FRMPD4: variants seen among roughly 807,000 people sequenced by gnomAD.
FRMPD4 encodes the protein FERM and PDZ domain-containing protein 4.
FRMPD4 carries 22 observed loss-of-function variants against 94.1 expected under a neutral mutation model. The ratio of observed to expected loss-of-function variants is 0.23; its 90% CI spans 0.17 to 0.33. The LOEUF is 0.33. Ranked by LOEUF, FRMPD4 falls within the 10% of genes least tolerant of loss-of-function variation. FRMPD4 has a pLI of 1.00. For synonymous variants in FRMPD4, 631 were observed against 548.6 expected (o/e 1.15, Z -2.10); for missense variants, 1,111 against 1,339.9 (o/e 0.83, Z 2.67).
intron 3 of FRMPD4, among the ~76,000 whole-genome samples, chrX:11,878,948 A>C (rs915274849): frequency 8.9e-6 from 1 of 112,360 alleles, no homozygotes; most frequent in African/African-American, 3.2e-5. Context: ...GATTGATAAA[A>C]GTCATTGCCC....
At chrX:12,469,854 C>A (rs2057489988) in intron 1 of FRMPD4, among the ~76,000 whole-genome samples, 1 of 112,444 alleles carries the variant, frequency 8.9e-6, no homozygotes, top group African/African-American at 3.2e-5. Flanking sequence ...GTAAAAACAT[C>A]CAAAGGTGTC....
intron 1 of FRMPD4, among the ~76,000 whole-genome samples, chrX:12,370,432 C>T (rs770930994): frequency 8.4e-4 from 95 of 112,618 alleles, no homozygotes; most frequent in African/African-American, 2.8e-3. Context: ...AGGAGGCTCA[C>T]GTCATTACTG....
intron 1 of FRMPD4, among the ~76,000 whole-genome samples, chrX:12,195,884 A>G (rs767246871): frequency 8.9e-6 from 1 of 111,809 alleles, no homozygotes; most frequent in Non-Finnish European, 1.9e-5. Context: ...GGCAGAAGTC[A>G]TAGGCCATTC....
At chrX:12,287,644 T>C (rs1601781342) in intron 1 of FRMPD4, among the ~76,000 whole-genome samples, 1 of 111,699 alleles carries the variant, frequency 9.0e-6, no homozygotes, top group African/African-American at 3.3e-5. Context: ...AGAACAAGTG[T>C]TGAGTTGAGA....
At chrX:12,700,437 G>A (rs2060177365) in intron 9 of FRMPD4, among the ~76,000 whole-genome samples, 1 of 112,377 alleles carries the variant, frequency 8.9e-6, no homozygotes, top group African/African-American at 3.2e-5. Flanking sequence ...GCAGCACTTA[G>A]CTCACTGCCT....
chrX:11,864,459 C>T (rs1433114800), intron 1 of FRMPD4, among the ~76,000 whole-genome samples: 4 of 110,629 alleles, frequency 3.6e-5, no homozygotes, highest in Non-Finnish European at 7.6e-5. Context: ...AAGAAAATAA[C>T]CAGTGCTTTT....
intron 6 of FRMPD4, among the ~76,000 whole-genome samples, chrX:12,683,794 G>A (rs1602318906): frequency 8.9e-6 from 1 of 112,183 alleles, no homozygotes; most frequent in Admixed American, 9.4e-5. Context: ...CAGAATATGT[G>A]GTAGTCCAGG....
intron 1 of FRMPD4, among the ~76,000 whole-genome samples, chrX:12,315,884 G>T (rs1168103517): frequency 9.0e-6 from 1 of 111,564 alleles, no homozygotes; most frequent in East Asian, 2.8e-4. Context: ...TCAACAGGGG[G>T]TAGGGGTTAT....
At chrX:12,577,702 C>A (rs957542740) in intron 2 of FRMPD4, among the ~76,000 whole-genome samples, 2 of 111,434 alleles carry the variant, frequency 1.8e-5, no homozygotes, top group Non-Finnish European at 3.8e-5. Flanking sequence ...GCTGGGGAAC[C>A]AAAAGAAATG....
rs1166969687 is a variant in FRMPD4, at chrX:11,910,814, A to G, written c.95+32796A>G. Among the ~76,000 whole-genome samples, 4 of 112,066 alleles carry G rather than the reference A, an allele frequency of 3.6e-5. No homozygotes were observed. In the Admixed American group the frequency reaches 3.8e-4, roughly 11 times the overall value. On this transcript the variant is annotated intron_variant, in intron 3 of 18. Coordinates refer to the FRMPD4 transcript ENST00000640291. ...CACAGAGATATACCTGGTAGAACAT[A>G]TACATATGTCTTTTGTAAATTAATA...
intron 3 of FRMPD4, among the ~76,000 whole-genome samples, chrX:12,092,402 C>A (rs2055161029): frequency 8.9e-6 from 1 of 112,134 alleles, no homozygotes; most frequent in African/African-American, 3.2e-5. Flanking sequence ...CAATGGTCAA[C>A]CCCATGCCTT....
At position 12,689,478 on chromosome X, in the gene FRMPD4, A is replaced by ACTTTAGTCG. The variant is rs770831497; in HGVS notation, c.682-715_682-714insTTAGTCGCT. On this transcript the variant is annotated intron_variant, in intron 7 of 16. Transcript: ENST00000675598. ...TTATCCCCAGTTTACACACAGGGAA[A>ACTTTAGTCG]CTAAGATACTTAGCGACTAAATAAC... Among the ~76,000 whole-genome samples the ACTTTAGTCG allele has an allele frequency of 5.3e-5, 6 of 112,608 alleles. No homozygotes were observed. The South Asian group carries it at 2.2e-3, about 42-fold the overall frequency.
chrX:12,263,169 G>T (rs2054218762), intron 1 of FRMPD4, among the ~76,000 whole-genome samples: 1 of 111,743 alleles, frequency 8.9e-6, no homozygotes. Flanking sequence ...TACTTGGGGG[G>T]ATGAGTGTTA....
chrX:11,850,375 T>C (rs1449657580), intron 1 of FRMPD4, among the ~76,000 whole-genome samples: 1 of 112,577 alleles, frequency 8.9e-6, no homozygotes, highest in Non-Finnish European at 1.9e-5. Flanking sequence ...GCAACAACTA[T>C]AGGAAAAGAG....
intron 1 of FRMPD4, among the ~76,000 whole-genome samples, chrX:12,497,984 G>C: frequency 9.0e-6 from 1 of 111,165 alleles, no homozygotes; most frequent in Non-Finnish European, 1.9e-5. Flanking sequence ...GCACCAGGCT[G>C]GGGGAAGGGT....
chrX:12,573,523 T>G (rs921136092), intron 2 of FRMPD4, among the ~76,000 whole-genome samples: 4 of 112,257 alleles, frequency 3.6e-5, no homozygotes, highest in Admixed American at 1.9e-4. Flanking sequence ...TCATTTACAG[T>G]GGTAATATGG....
Position 12,721,570 on chromosome X carries a change from G to A in FRMPD4, c.5001G>A (p.Pro1667=), listed in dbSNP as rs2042241047. Residue 1667 remains proline (P), a synonymous_variant, in exon 17 of 17, where the codon CCG becomes CCA. Coordinates refer to ENST00000675598, the MANE Select transcript of FRMPD4 (RefSeq NM_001368397.1). ...AAATGGCGATGGCTGAGAAAAGCCC[G>A]GAGGAGATGCTCCTAGCTATGACTT... ...CRKMAMAEKS[P]EEMLLAMTSS... is the part of the protein sequence containing the mutation. 2.7e-6 allele frequency: 2 copies of A among 752,731 alleles called. No homozygotes were observed. The highest frequency in any genetic ancestry group is 8.8e-5 in the Admixed American group (1 of 11,385). The allele number at this position is 752,731 out of a possible 1,213,427, so 62.0% of individuals were successfully genotyped here.
chrX:11,872,365 T>C (rs1168511043), intron 2 of FRMPD4, among the ~76,000 whole-genome samples: 1 of 112,305 alleles, frequency 8.9e-6, no homozygotes, highest in Non-Finnish European at 1.9e-5. Flanking sequence ...ACATTTCCCA[T>C]CCAATTTCAG....
At chrX:11,997,955 C>G (rs1334470942) in intron 3 of FRMPD4, among the ~76,000 whole-genome samples, 1 of 111,794 alleles carries the variant, frequency 8.9e-6, no homozygotes, top group Non-Finnish European at 1.9e-5. Context: ...AAAAGTCACA[C>G]TTTTTACTAA....
Sources: gnomAD v4.1 joint callset for allele counts (sites outside exome capture counted in the v4.1 genomes callset) on GRCh38, gnomAD v4.1.1 for gene constraint, MANE v1.5 for transcripts, NCBI Gene and HGNC (gene_info 2026-07-23, HGNC 2026-07-21) for gene names.